The following SCD5 variants were observed in gnomAD, a reference collection of about 807,000 sequenced individuals.
The protein encoded by SCD5 is acyl-CoA-desaturase 4.
Under a neutral mutation model 30.4 loss-of-function variants are expected in SCD5, and 20 were observed. That is an observed-to-expected ratio of 0.66 (90% CI 0.46 to 0.96). The LOEUF is 0.96. SCD5 is among the 40% of genes least tolerant of loss of function. The probability of loss-of-function intolerance (pLI) is 0.00; values close to 1 mark genes in which losing one functional copy is unlikely to be tolerated. For synonymous variants in SCD5, 173 were observed against 176.4 expected (o/e 0.98, Z 0.16); for missense variants, 381 against 443.3 (o/e 0.86, Z 1.26).
chr4:82,648,174 C>T (rs964799464), intron 3 of SCD5, among the ~76,000 whole-genome samples: 10 of 152,234 alleles, frequency 6.6e-5, no homozygotes, highest in African/African-American at 2.4e-4. Context: ...CCATCTGAGC[C>T]ACTGAACCTC....
At chr4:82,720,909 C>T (rs1264216381) in intron 1 of SCD5, among the ~76,000 whole-genome samples, 1 of 152,186 alleles carries the variant, frequency 6.6e-6, no homozygotes, top group Non-Finnish European at 1.5e-5. Flanking sequence ...CCCAGCACTT[C>T]AGGACGCCGA....
intron 2 of SCD5, among the ~76,000 whole-genome samples, chr4:82,699,973 T>A (rs183799893): frequency 1.3e-5 from 2 of 151,836 alleles, no homozygotes; most frequent in Non-Finnish European, 2.9e-5. Context: ...TCCCAGCACT[T>A]TGGAAGGCCA....
At chr4:82,719,694 G>A (rs1257184511) in intron 1 of SCD5, among the ~76,000 whole-genome samples, 3 of 151,378 alleles carry the variant, frequency 2.0e-5, no homozygotes, top group South Asian at 2.1e-4. Context: ...TAGTAGAGAC[G>A]GGGCTTCACC....
At chr4:82,664,999 C>CTCTCTCTCTCTCTCTATATA (rs1219554314) in intron 3 of SCD5, among the ~76,000 whole-genome samples, 2 of 70,492 alleles carry the variant, frequency 2.8e-5, no homozygotes, top group Admixed American at 1.7e-4. Flanking sequence ...CTCTCTCTCT[C>CTCTCTCTCTCTCTCTATATA]TATATATATA....
At chr4:82,710,924 T>C (rs367603874) in intron 1 of SCD5, among the ~76,000 whole-genome samples, 1 of 152,022 alleles carries the variant, frequency 6.6e-6, no homozygotes, top group Non-Finnish European at 1.5e-5. Flanking sequence ...AGTGCATATA[T>C]GTAGTGCTCA....
intron 1 of SCD5, among the ~76,000 whole-genome samples, chr4:82,746,949 C>CAT (rs1163461835): frequency 2.5e-5 from 2 of 80,254 alleles, no homozygotes; most frequent in Non-Finnish European, 7.1e-5. Context: ...GACGCAGACA[C>CAT]AAGGGCGTCA....
At chr4:82,738,566 C>T (rs1464939196) in intron 1 of SCD5, among the ~76,000 whole-genome samples, 2 of 152,196 alleles carry the variant, frequency 1.3e-5, no homozygotes, top group African/African-American at 4.8e-5. Flanking sequence ...AGACTAAAAG[C>T]CACTCACCCA....
At chr4:82,707,549 C>A (rs1228824810) in intron 1 of SCD5, among the ~76,000 whole-genome samples, 2 of 152,168 alleles carry the variant, frequency 1.3e-5, no homozygotes, top group Non-Finnish European at 2.9e-5. Flanking sequence ...GAGGGAATAT[C>A]AGTTCCATGA....
At position 82,680,688 on chromosome 4, in the gene SCD5, G is replaced by A. The variant is rs564630641; in HGVS notation, c.569+19C>T. ...CCTGGCCCCTGAGGGACAGCTCTCC[G>A]TCATGCCCATTCACTTACTTTCTCT... On this transcript the variant is annotated intron_variant, in intron 3 of 4. Transcript: ENST00000319540. 33 of 1,612,636 alleles carry A rather than the reference G, an allele frequency of 2.0e-5. No homozygotes were observed. Among genetic ancestry groups the A allele is most frequent in the South Asian group, 1.2e-4 (11 of 91,012 alleles).
chr4:82,745,551 C>T (rs775203356), intron 1 of SCD5, among the ~76,000 whole-genome samples: 6 of 152,150 alleles, frequency 3.9e-5, no homozygotes, highest in Non-Finnish European at 8.8e-5. Context: ...GCAGGATGTG[C>T]AGGTTTGTTA....
chr4:82,702,709 T>A (rs538980173), intron 2 of SCD5, among the ~76,000 whole-genome samples: 1 of 152,092 alleles, frequency 6.6e-6, no homozygotes, highest in African/African-American at 2.4e-5. Context: ...AGAGAGAGAA[T>A]CTTTGAAACT....
At chr4:82,680,086 C>T (rs550208201) in intron 3 of SCD5, among the ~76,000 whole-genome samples, 18 of 152,334 alleles carry the variant, frequency 1.2e-4, no homozygotes, top group Middle Eastern at 6.8e-3. Context: ...CAATTGTAGG[C>T]ACTCTTTCTT....
intron 2 of SCD5, among the ~76,000 whole-genome samples, chr4:82,702,417 T>C (rs908108718): frequency 3.3e-5 from 5 of 152,026 alleles, no homozygotes; most frequent in African/African-American, 9.7e-5. Flanking sequence ...AGTGCTGGGA[T>C]TACAGGTATG....
At chr4:82,693,854 C>G (rs1719620927) in intron 2 of SCD5, among the ~76,000 whole-genome samples, 1 of 152,204 alleles carries the variant, frequency 6.6e-6, no homozygotes, top group South Asian at 2.1e-4. Context: ...CTGAAGAGGA[C>G]TCCATTTGGG....
chr4:82,735,454 G>A (rs1163685565), intron 1 of SCD5, among the ~76,000 whole-genome samples: 1 of 152,130 alleles, frequency 6.6e-6, no homozygotes, highest in African/African-American at 2.4e-5. Context: ...TAAGCGGGTT[G>A]GGTAATAAAT....
At position 82,740,918 on chromosome 4, in the gene SCD5, T is replaced by C. The variant is rs556363066; in HGVS notation, c.233-35505A>G. On this transcript the variant is annotated intron_variant, in intron 1 of 4. Transcript: ENST00000319540. ...GTGAAAGACTAAGACTAAGGTGGAG[T>C]CTCTTTTCCCAATTCTTTTTTTTTT... is the stretch of plus-strand genomic sequence containing the variant. Among the ~76,000 whole-genome samples the C allele has an allele frequency of 4.2e-5, 6 of 143,058 alleles. No individual in the cohort carries two copies. The South Asian group carries it at 1.4e-3, about 33-fold the overall frequency. The allele number at this position is 143,058 out of a possible 152,430, so 93.9% of individuals were successfully genotyped here.
intron 2 of SCD5, among the ~76,000 whole-genome samples, chr4:82,703,268 G>C (rs1440616930): frequency 6.6e-6 from 1 of 152,124 alleles, no homozygotes; most frequent in African/African-American, 2.4e-5. Context: ...TTTTAAAGCT[G>C]TTCATTTATT....
At chr4:82,773,224 G>T (rs552986452) in intron 1 of SCD5, among the ~76,000 whole-genome samples, 1 of 152,272 alleles carries the variant, frequency 6.6e-6, no homozygotes, top group South Asian at 2.1e-4. Flanking sequence ...CTGGGAAGTG[G>T]CCTTCAAGTC....
intron 1 of SCD5, among the ~76,000 whole-genome samples, chr4:82,778,723 G>C (rs1055827590): frequency 1.3e-5 from 2 of 152,176 alleles, no homozygotes; most frequent in Admixed American, 1.3e-4. Flanking sequence ...AACCAATGCA[G>C]GTTAGTTTTC....
Sources: allele counts gnomAD v4.1 joint callset (sites outside exome capture counted in the v4.1 genomes callset), GRCh38; gene constraint gnomAD v4.1.1; transcripts MANE v1.5; gene names NCBI Gene and HGNC (gene_info 2026-07-23, HGNC 2026-07-21).